Variants in CCDC141 observed in about 807,000 individuals in gnomAD.
CCDC141 encodes coiled-coil domain-containing protein 141.
A neutral mutation model predicts 181.0 loss-of-function variants in CCDC141; 168 were observed. The ratio of observed to expected loss-of-function variants is 0.93; its 90% CI spans 0.82 to 1.05. The LOEUF (loss-of-function observed/expected upper bound fraction) is 1.05, where lower values mean the gene tolerates loss of function less well. Among genes scored for constraint, CCDC141 ranks in the 50% least tolerant of loss-of-function variants. The probability of loss-of-function intolerance (pLI) is 0.00; values close to 1 mark genes in which losing one functional copy is unlikely to be tolerated. For missense variants in CCDC141, 1,902 were observed against 1,788.5 expected (o/e 1.06, Z -1.14); for synonymous variants, 666 against 642.3 (o/e 1.04, Z -0.56).
intron 21 of CCDC141, among the ~76,000 whole-genome samples, chr2:178,845,943 T>C (rs1473598903): frequency 1.3e-5 from 2 of 152,196 alleles, no homozygotes; most frequent in Non-Finnish European, 2.9e-5. Flanking sequence ...ATTCCTTTGA[T>C]AGAGTTCATT....
At chr2:178,874,101 C>T (rs1686247929) in intron 12 of CCDC141, 1 of 152,174 alleles carries the variant, frequency 6.6e-6, no homozygotes, top group Non-Finnish European at 1.5e-5. Flanking sequence ...CAGCTGGCCT[C>T]TGCCTTCTTA....
intron 5 of CCDC141, among the ~76,000 whole-genome samples, chr2:178,947,637 A>T (rs1431397627): frequency 6.6e-6 from 1 of 152,126 alleles, no homozygotes; most frequent in Admixed American, 6.6e-5. Flanking sequence ...GACATCTATC[A>T]CAGAGTGAAA....
At chr2:178,944,709 A>G in intron 5 of CCDC141, 58 bp from the exon 6 acceptor site, 1 of 663,844 alleles carries the variant, frequency 1.5e-6, no homozygotes, top group Non-Finnish European at 2.4e-6. Context: ...AAGTGAGTAA[A>G]AATTCAGAAA....
chr2:179,041,612 C>G (rs1159297706), intron 2 of CCDC141, among the ~76,000 whole-genome samples: 1 of 144,352 alleles, frequency 6.9e-6, no homozygotes. Context: ...TTAAAAGACA[C>G]AGAATGGCAA....
chr2:178,869,988 T>G (rs1292947188), intron 14 of CCDC141, among the ~76,000 whole-genome samples: 1 of 152,040 alleles, frequency 6.6e-6, no homozygotes, highest in Non-Finnish European at 1.5e-5. Context: ...TCCCAGCACT[T>G]TGGGAGGCCA....
chr2:178,992,243 CTTTCTGTATAT>C (rs1196733947), intron 2 of CCDC141, among the ~76,000 whole-genome samples: 1 of 148,290 alleles, frequency 6.7e-6, no homozygotes, highest in East Asian at 2.0e-4. Flanking sequence ...TTATTTATAT[CTTTCTGTATAT>C]TTTCAATTTT....
intron 6 of CCDC141, among the ~76,000 whole-genome samples, chr2:178,929,202 T>G (rs1441766003): frequency 1.3e-5 from 2 of 152,220 alleles, no homozygotes; most frequent in African/African-American, 2.4e-5. Flanking sequence ...TTTATTGATT[T>G]TCTTTGTAAT....
At chr2:178,926,157 G>A (rs919898806) in intron 6 of CCDC141, among the ~76,000 whole-genome samples, 1 of 151,500 alleles carries the variant, frequency 6.6e-6, no homozygotes, top group Admixed American at 6.6e-5. Context: ...AAAAAATAAG[G>A]ATTTAAAAAA....
intron 5 of CCDC141, among the ~76,000 whole-genome samples, chr2:178,956,945 T>A (rs1168341038): frequency 6.6e-6 from 1 of 152,032 alleles, no homozygotes; most frequent in African/African-American, 2.4e-5. Context: ...AATGGCACGA[T>A]CTCGGCTCAC....
At chr2:178,867,290 C>A (rs1163170616) in intron 16 of CCDC141, among the ~76,000 whole-genome samples, 1 of 152,182 alleles carries the variant, frequency 6.6e-6, no homozygotes, top group Non-Finnish European at 1.5e-5. Flanking sequence ...AATGCTAAAA[C>A]AGCACTGGCC....
chr2:179,038,983 C>T lies in CCDC141; in HGVS notation c.225+8301G>A, dbSNP rs191019785. On this transcript the variant is annotated intron_variant, in intron 2 of 23. Transcript: ENST00000443758. ...TCCAACCTTTTTTCCTCCTTTAACA[C>T]TCTGCACCTCACCTGAGGATGTAAT... 3.9e-5 allele frequency among the ~76,000 whole-genome samples: 6 copies of T among 152,310 alleles called. No homozygotes were observed. In the East Asian group the frequency reaches 9.6e-4, roughly 24 times the overall value.
In CCDC141 at chr2:178,982,793, C is replaced by G. The variant is rs10189151; in HGVS notation, c.226-4118G>C. Among the ~76,000 whole-genome samples, 767 of 152,288 alleles carry G rather than the reference C, an allele frequency of 5.0e-3. 2 individuals carry two copies. Among genetic ancestry groups the G allele is most frequent in the African/African-American group, 0.017 (720 of 41,556 alleles). On this transcript the variant is annotated intron_variant, in intron 2 of 23. Coordinates refer to ENST00000443758, the MANE Select transcript of CCDC141 (RefSeq NM_173648.4). Reference sequence around the variant, plus strand: ...AAAGGCGCACCACGAGATTATATCCCGCACCTGGCTCGGAGGGTCCTACCC... The same window carrying G: ...AAAGGCGCACCACGAGATTATATCCGGCACCTGGCTCGGAGGGTCCTACCC...
chr2:179,049,867 G>T lies in CCDC141; in HGVS notation c.75C>A (p.Asp25Glu). 6.4e-7 allele frequency: 1 copy of T among 1,550,756 alleles called. No homozygotes were observed. Among genetic ancestry groups the T allele is most frequent in the African/African-American group, 1.4e-5 (1 of 73,158 alleles). ...TVSSVAVQAGDSKIVIAVIKC... is the reference protein window; with the variant it reads ...TVSSVAVQAGESKIVIAVIKC... ...TTATGACAGCTATAACGATTTTGGA[G>T]TCCCCAGCCTGCACAGCAACTGAAC... Residue 25 changes from aspartate (D) to glutamate (E), a missense_variant, in exon 1 of 24, where the codon GAC (aspartate) becomes GAA (glutamate). Transcript: ENST00000443758.
At chr2:179,035,327 C>T (rs994897234) in intron 2 of CCDC141, among the ~76,000 whole-genome samples, 1 of 152,146 alleles carries the variant, frequency 6.6e-6, no homozygotes, top group African/African-American at 2.4e-5. Context: ...CCACTGTCTT[C>T]CCATAAAAAC....
intron 3 of CCDC141, among the ~76,000 whole-genome samples, chr2:178,977,168 GTAAGTA>G (rs1691158306): frequency 1.3e-5 from 2 of 152,162 alleles, no homozygotes; most frequent in Non-Finnish European, 2.9e-5. Flanking sequence ...TCACGCAAGT[GTAAGTA>G]TAAGAGTGTT....
At position 178,853,561 on chromosome 2, in the gene CCDC141, A is replaced by G; in HGVS notation, c.3124T>C (p.Cys1042Arg). ...VVRVGKYSTECKTKEAVKILH... is the reference protein window; with the variant it reads ...VVRVGKYSTERKTKEAVKILH... ...ATTTTCACAGCTTCCTTTGTCTTGCACTCTGTGGAATATTTTCCAACTCTT... is the reference window on the plus strand; with the variant it reads ...ATTTTCACAGCTTCCTTTGTCTTGCGCTCTGTGGAATATTTTCCAACTCTT... The change falls in exon 20 of 24, where the codon TGC becomes CGC. Residue 1042 changes from cysteine (C) to arginine (R), a missense_variant. Cys to Arg is a radical substitution (Grantham distance 180). Coordinates refer to ENST00000443758, the MANE Select transcript of CCDC141 (RefSeq NM_173648.4). 1 of 1,613,982 alleles carries G rather than the reference A, an allele frequency of 6.2e-7. No homozygotes were observed. The highest frequency in any genetic ancestry group is 1.3e-5 in the African/African-American group (1 of 74,990).
chr2:178,964,381 C>A (rs890297382), intron 4 of CCDC141, among the ~76,000 whole-genome samples: 1 of 152,142 alleles, frequency 6.6e-6, no homozygotes, highest in Non-Finnish European at 1.5e-5. Flanking sequence ...GAGAGGGAGG[C>A]ACAACTTTAG....
At position 179,015,540 on chromosome 2, in the gene CCDC141, T is replaced by G. The variant is rs563445270; in HGVS notation, c.225+31744A>C. ...TATCACATATATCTCATATATATGA[T>G]ATATATATCTCATATCTCATATATA... On this transcript the variant is annotated intron_variant, in intron 2 of 23. Transcript: ENST00000443758. Among the ~76,000 whole-genome samples, 13 of 54,538 alleles carry G rather than the reference T, an allele frequency of 2.4e-4. No individual in the cohort carries two copies. In the South Asian group the frequency reaches 3.0e-3, roughly 13 times the overall value. The allele number at this position is 54,538 out of a possible 152,430, so 35.8% of individuals were successfully genotyped here.
rs1230782659 is a variant in CCDC141, at chr2:178,961,368, A to G, written c.642T>C (p.His214=). The G allele has an allele frequency of 1.3e-5, 20 of 1,550,546 alleles. No homozygotes were observed. The highest frequency in any genetic ancestry group is 1.7e-5 in the Non-Finnish European group (20 of 1,146,984). ...GGCGGTCAACCTTCAGACAGCTGCT[A>G]TGAGCTCCCTGAGTCAACTCAGGAT... The part of the protein sequence containing the change: ...NVNPELTQGA[H]SSCLKVDRLL... The change falls in exon 5 of 24, where the codon CAT becomes CAC. Residue 214 remains histidine, a synonymous_variant. Transcript: ENST00000443758.
Sources: gnomAD v4.1 joint callset for allele counts (sites outside exome capture counted in the v4.1 genomes callset) on GRCh38, gnomAD v4.1.1 for gene constraint, MANE v1.5 for transcripts, NCBI Gene and HGNC (gene_info 2026-07-23, HGNC 2026-07-21) for gene names.